Variants in ATXN7L3 observed in about 807,000 individuals in gnomAD.
The protein encoded by ATXN7L3 is ataxin-7-like protein 3.
In ATXN7L3, 6 loss-of-function variants were observed where a neutral mutation model predicts 50.0. That is an observed-to-expected ratio of 0.12 (90% CI 0.07 to 0.24). The LOEUF is 0.24. Ranked by LOEUF, ATXN7L3 falls within the 10% of genes least tolerant of loss-of-function variation. ATXN7L3 has a pLI of 1.00. For missense variants in ATXN7L3, 322 were observed against 451.3 expected (o/e 0.71, Z 2.60); for synonymous variants, 198 against 165.8 (o/e 1.19, Z -1.49).
At chr17:44,194,467 C>A (rs762841094) in intron 12 of ATXN7L3, 50 bp downstream of exon 12, 11 of 1,612,618 alleles carry the variant, frequency 6.8e-6, no homozygotes, top group Admixed American at 3.3e-5. Flanking sequence ...AGAGGTGGCA[C>A]CCCCATGGCT....
chr17:44,194,518 T>C lies in ATXN7L3; in HGVS notation c.894A>G (p.Leu298=). The C allele has an allele frequency of 6.2e-7, 1 of 1,613,604 alleles. No individual in the cohort carries two copies. Among genetic ancestry groups the C allele is most frequent in the Non-Finnish European group, 8.5e-7 (1 of 1,179,962 alleles). The change falls in exon 12 of 13, where the codon CTA becomes CTG. Residue 298 remains leucine, a splice_region_variant and synonymous_variant. Coordinates refer to ENST00000587097, the MANE Select transcript of ATXN7L3 (RefSeq NM_001382309.1). The part of the protein sequence containing the change: ...SKTSENQGWG[L]GTNSSESRKT... ...CTAGGGCCCAACTGCATCACGTACC[T>C]AGACCCCATCCCTGATTTTCACTCG...
intron 8 of ATXN7L3, 32 bp downstream of exon 8, chr17:44,195,768 G>T: frequency 6.3e-7 from 1 of 1,577,666 alleles, no homozygotes; most frequent in Non-Finnish European, 8.7e-7. Flanking sequence ...CCAGGACAAT[G>T]AGAGCAAGCA....
chr17:44,193,030 C>G lies in ATXN7L3; in HGVS notation c.*1233G>C, dbSNP rs1241196508. 1 of 152,138 alleles carries G rather than the reference C, an allele frequency of 6.6e-6. No individual in the cohort carries two copies. Among genetic ancestry groups the G allele is most frequent in the Non-Finnish European group, 1.5e-5 (1 of 68,048 alleles). The allele number at this position is 152,138 out of a possible 1,614,324, so 9.4% of individuals were successfully genotyped here. On this transcript the variant is annotated 3_prime_UTR_variant, in exon 13 of 13. Transcript: ENST00000587097. ...ACGGTACATCTCTTTAGGATGTAGA[C>G]CAGGCAGGTGGGCACACTGGCATGA...
In ATXN7L3 at chr17:44,194,988, G is replaced by A. The variant is rs562745306; in HGVS notation, c.665+109C>T. ...CCAAAGGCCTCATCATTAGAGGAGG[G>A]AAGGGGAAGGGCAGGAGCCCCATTG... On this transcript the variant is annotated intron_variant, in intron 10 of 12. Transcript: ENST00000587097. 6.3e-4 allele frequency: 939 copies of A among 1,480,326 alleles called. 1 individual carries two copies. Among genetic ancestry groups the A allele is most frequent in the South Asian group, 1.1e-3 (99 of 87,510 alleles). The allele number at this position is 1,480,326 out of a possible 1,614,324, so 91.7% of individuals were successfully genotyped here. A position where few individuals can be genotyped will look rare whatever the true frequency, so the allele number is the denominator to read the frequency against.
chr17:44,193,530 T>G lies in ATXN7L3; in HGVS notation c.*733A>C, dbSNP rs1013065916. ...GGGGAGGAATTCTGACACTTCTCCC[T>G]CTTCCTACCCTCCCTTTCCCATTCC... On this transcript the variant is annotated 3_prime_UTR_variant, in exon 13 of 13. Coordinates refer to ENST00000587097, the MANE Select transcript of ATXN7L3 (RefSeq NM_001382309.1). 3 of 152,576 alleles carry G rather than the reference T, an allele frequency of 2.0e-5. No individual in the cohort carries two copies. Among genetic ancestry groups the G allele is most frequent in the African/African-American group, 7.2e-5 (3 of 41,452 alleles). The allele number at this position is 152,576 out of a possible 1,614,324, so 9.5% of individuals were successfully genotyped here.
chr17:44,194,098 C>CT lies in ATXN7L3; in HGVS notation c.*164dup. 1.1e-6 allele frequency: 1 copy of CT among 885,928 alleles called. No homozygotes were observed. The highest frequency in any genetic ancestry group is 1.7e-6 in the Non-Finnish European group (1 of 579,800). 54.9% of individuals were successfully genotyped at this position (885,928 alleles called of 1,614,324 possible). A position where few individuals can be genotyped will look rare whatever the true frequency, so the allele number is the denominator to read the frequency against. ...AGGAGTCGTGCTCCATTGCAGAGGA[C>CT]TTTGACACCCCCCAGGGGCGCATAA... On this transcript the variant is annotated 3_prime_UTR_variant, in exon 13 of 13. Transcript: ENST00000587097.
At chr17:44,196,441 G>T in intron 5 of ATXN7L3, 23 bp from the exon 6 acceptor site, 1 of 1,613,988 alleles carries the variant, frequency 6.2e-7, no homozygotes, top group Non-Finnish European at 8.5e-7. Flanking sequence ...AAAGCATAAA[G>T]AGCAGGGTTT....
rs2055787083 is a variant in ATXN7L3 at position 44,193,909 on chromosome 17, T to A, written c.*354A>T. On this transcript the variant is annotated 3_prime_UTR_variant, in exon 13 of 13. Transcript: ENST00000587097. ...CACATTGCCCCTCAGCAGGGCTTAG[T>A]CCAGTTCCTGGGGTGGGGGGCAGGC... 4.1e-6 allele frequency: 1 copy of A among 245,816 alleles called. No homozygotes were observed. Among genetic ancestry groups the A allele is most frequent in the Non-Finnish European group, 8.0e-6 (1 of 125,472 alleles). 15.2% of individuals were successfully genotyped at this position (245,816 alleles called of 1,614,324 possible). A position where few individuals can be genotyped will look rare whatever the true frequency, so the allele number is the denominator to read the frequency against.
Position 44,198,023 on chromosome 17 carries a change from T to C in ATXN7L3, c.48A>G (p.Leu16=). 6.2e-7 allele frequency: 1 copy of C among 1,613,962 alleles called. No individual in the cohort carries two copies. The highest frequency in any genetic ancestry group is 8.5e-7 in the Non-Finnish European group (1 of 1,179,844). The change falls in exon 2 of 13, where the codon CTA becomes CTG. Residue 16 remains leucine (L), a synonymous_variant. Coordinates refer to ENST00000587097, the MANE Select transcript of ATXN7L3 (RefSeq NM_001382309.1). ...MSLSGLDNSK[L]EAIAQEIYAD... The stretch of plus-strand genomic sequence containing the variant: ...GCACACGTGGGGGAGCCCTCACCTC[T>C]AGTTTGCTGTTATCCAGGCCAGACA...
At chr17:44,199,444 C>T (rs1375433124) in intron 1 of ATXN7L3, 52 bp downstream of exon 1, 7 of 144,462 alleles carry the variant, frequency 4.8e-5, no homozygotes, top group African/African-American at 7.6e-5. Context: ...CCGCCCCCCG[C>T]CCCCCACAGG....
At chr17:44,197,069 A>C in intron 4 of ATXN7L3, 43 bp from the exon 5 acceptor site, 1 of 1,572,222 alleles carries the variant, frequency 6.4e-7, no homozygotes, top group Non-Finnish European at 8.7e-7. Flanking sequence ...GGGAAGGAAG[A>C]GAAAGGGGTC....
At chr17:44,196,001 TAGA>T in intron 7 of ATXN7L3, 30 bp downstream of exon 7, 1 of 1,592,490 alleles carries the variant, frequency 6.3e-7, no homozygotes, top group South Asian at 1.1e-5. Flanking sequence ...AAGACACAGC[TAGA>T]AGCATTCCCA....
chr17:44,195,854 G>C (rs2055868352), intron 7 of ATXN7L3, 26 bp from the exon 8 acceptor site: 1 of 1,606,984 alleles, frequency 6.2e-7, no homozygotes, highest in Non-Finnish European at 8.5e-7. Context: ...GAAGGGGAAG[G>C]GTGTTTGATG....
In ATXN7L3 at chr17:44,195,969, A is replaced by AC. The variant is rs1198408052; in HGVS notation, c.523+64dup. The AC allele has an allele frequency of 2.6e-5, 40 of 1,548,154 alleles. No individual in the cohort carries two copies. The East Asian group carries it at 5.4e-4, about 21-fold the overall frequency. On this transcript the variant is annotated intron_variant, in intron 7 of 12. Coordinates refer to ENST00000587097, the MANE Select transcript of ATXN7L3 (RefSeq NM_001382309.1). ...TCCCCTATCCCCGGGCCCCACCTCCACCCCCCGGCAATGAGTCCCAGAAGA... is the reference window on the plus strand; with the variant it reads ...TCCCCTATCCCCGGGCCCCACCTCCACCCCCCCGGCAATGAGTCCCAGAAGA...
In ATXN7L3 at chr17:44,196,812, C is replaced by T. The variant is rs564174090; in HGVS notation, c.454+117G>A. On this transcript the variant is annotated intron_variant, in intron 5 of 12. Coordinates refer to ENST00000587097, the MANE Select transcript of ATXN7L3 (RefSeq NM_001382309.1). ...AAAAAAAAAAAAAGGAAAAGGAAAT[C>T]GCGTAACTACACTCTCTCTTCATCA... 160 of 598,596 alleles carry T rather than the reference C, an allele frequency of 2.7e-4. 2 individuals are homozygous for T. In the African/African-American group the frequency reaches 2.9e-3, roughly 11 times the overall value. The allele number at this position is 598,596 out of a possible 1,614,324, so 37.1% of individuals were successfully genotyped here. A position where few individuals can be genotyped will look rare whatever the true frequency, so the allele number is the denominator to read the frequency against.
At chr17:44,196,579 A>C (rs1189844630) in intron 5 of ATXN7L3, among the ~76,000 whole-genome samples, 161 bp from the exon 6 acceptor site, 1 of 151,986 alleles carries the variant, frequency 6.6e-6, no homozygotes, top group Non-Finnish European at 1.5e-5. Context: ...GAAGATCGAG[A>C]CCATCCTGGC....
intron 9 of ATXN7L3, 101 bp downstream of exon 9, chr17:44,195,318 G>C: frequency 1.4e-6 from 2 of 1,390,200 alleles, no homozygotes; most frequent in South Asian, 1.2e-5. Flanking sequence ...AGAACGATAC[G>C]GCCCTGACTG....
chr17:44,194,645 T>C lies in ATXN7L3; in HGVS notation c.767A>G (p.Asp256Gly). ...AVLPEVESSL[D>G]NDSFDMTDSQ... ...GTCAGTCATGTCAAAGCTGTCATTATCCAGGGAGCTCTCGACCTCTGGAAG... is the reference window on the plus strand; with the variant it reads ...GTCAGTCATGTCAAAGCTGTCATTACCCAGGGAGCTCTCGACCTCTGGAAG... The change falls in exon 12 of 13, where the codon GAT becomes GGT. Residue 256 changes from aspartate (D) to glycine (G), a missense_variant. By Grantham distance (94) the Asp-to-Gly change is moderately conservative. Around this residue, in one of 5 missense-constraint regions of ATXN7L3, gnomAD observed 122 missense variants for 130.8 expected, o/e 0.93. Coordinates refer to ENST00000587097, the MANE Select transcript of ATXN7L3 (RefSeq NM_001382309.1). 2.5e-6 allele frequency: 4 copies of C among 1,614,102 alleles called. No homozygotes were observed. Among genetic ancestry groups the C allele is most frequent in the Non-Finnish European group, 3.4e-6 (4 of 1,180,016 alleles).
Position 44,192,154 on chromosome 17 carries a change from G to A in ATXN7L3, c.*2109C>T, listed in dbSNP as rs1388388122. The A allele has an allele frequency of 6.6e-6, 1 of 152,384 alleles. No individual in the cohort carries two copies. Among genetic ancestry groups the A allele is most frequent in the Non-Finnish European group, 1.5e-5 (1 of 68,118 alleles). The allele number at this position is 152,384 out of a possible 1,614,324, so 9.4% of individuals were successfully genotyped here. The stretch of plus-strand genomic sequence containing the variant: ...GGAATTGAAACCCACACAGCCTGCT[G>A]TTAGAGGGAGGGGAGTGGGGAGCTC... On this transcript the variant is annotated 3_prime_UTR_variant, in exon 13 of 13. Coordinates refer to ENST00000587097, the MANE Select transcript of ATXN7L3 (RefSeq NM_001382309.1).
Sources: gnomAD v4.1 joint callset for allele counts (sites outside exome capture counted in the v4.1 genomes callset) on GRCh38, gnomAD v4.1.1 for gene constraint, gnomAD v4.1.1 regional missense constraint, MANE v1.5 for transcripts, NCBI Gene and HGNC (gene_info 2026-07-23, HGNC 2026-07-21) for gene names.